HS6ST3: variants seen among roughly 807,000 people sequenced by gnomAD.
HS6ST3 encodes heparan-sulfate 6-O-sulfotransferase 3.
A neutral mutation model predicts 36.7 loss-of-function variants in HS6ST3; 12 were observed. That is an observed-to-expected ratio of 0.33 (90% CI 0.21 to 0.53). The LOEUF is 0.53. HS6ST3 is among the 20% of genes least tolerant of loss of function. The pLI is 0.95. For synonymous variants in HS6ST3, 240 were observed against 257.5 expected (o/e 0.93, Z 0.65); for missense variants, 584 against 640.9 (o/e 0.91, Z 0.96).
chr13:96,204,057 T>C (rs1048216221), intron 1 of HS6ST3, among the ~76,000 whole-genome samples: 1 of 152,214 alleles, frequency 6.6e-6, no homozygotes, highest in Non-Finnish European at 1.5e-5. Flanking sequence ...ATGTGACTAT[T>C]AAAAGATTAC....
intron 1 of HS6ST3, among the ~76,000 whole-genome samples, chr13:96,262,263 A>C (rs558428963): frequency 2.6e-5 from 4 of 152,164 alleles, no homozygotes; most frequent in Non-Finnish European, 4.4e-5. Context: ...TAGAAATAGA[A>C]GGCAAACGTT....
At position 96,817,854 on chromosome 13, in the gene HS6ST3, A is replaced by G. The variant is rs188842755; in HGVS notation, c.708-14636A>G. Among the ~76,000 whole-genome samples, 829 of 152,324 alleles carry G rather than the reference A, an allele frequency of 5.4e-3. 2 individuals carry two copies. Among genetic ancestry groups the G allele is most frequent in the Middle Eastern group, 0.017 (5 of 294 alleles). On this transcript the variant is annotated intron_variant, in intron 1 of 1. Coordinates refer to ENST00000376705, the MANE Select transcript of HS6ST3 (RefSeq NM_153456.4). ...GAAGTTCACTAAGAAGGGAAATTACAGTTGTGTTATTCTGTTGCTTAAGGG... is the reference window on the plus strand; with the variant it reads ...GAAGTTCACTAAGAAGGGAAATTACGGTTGTGTTATTCTGTTGCTTAAGGG...
rs140324026 is a variant in HS6ST3 at position 96,671,097 on chromosome 13, C to T, written c.708-161393C>T. 1.6e-4 allele frequency among the ~76,000 whole-genome samples: 24 copies of T among 152,240 alleles called. No individual in the cohort carries two copies. In the East Asian group the frequency reaches 4.5e-3, roughly 28 times the overall value. Reference sequence around the variant, plus strand: ...TTACAAATATGACTAGAAGGGACCCCCTCAGCCTAAACCTGACCTCAAGAG... The same window carrying T: ...TTACAAATATGACTAGAAGGGACCCTCTCAGCCTAAACCTGACCTCAAGAG... On this transcript the variant is annotated intron_variant, in intron 1 of 1. Transcript: ENST00000376705.
intron 1 of HS6ST3, among the ~76,000 whole-genome samples, chr13:96,736,741 A>T (rs909736327): frequency 6.6e-6 from 1 of 152,214 alleles, no homozygotes; most frequent in Non-Finnish European, 1.5e-5. Flanking sequence ...CTAAAATAGA[A>T]CCAAAAACAT....
chr13:96,663,167 A>T (rs1430636737), intron 1 of HS6ST3, among the ~76,000 whole-genome samples: 1 of 152,114 alleles, frequency 6.6e-6, no homozygotes, highest in Non-Finnish European at 1.5e-5. Context: ...GCCACTGCAG[A>T]GGTCAAGGAG....
At position 96,425,893 on chromosome 13, in the gene HS6ST3, T is replaced by A. The variant is rs144567293; in HGVS notation, c.707+334324T>A. Among the ~76,000 whole-genome samples, 56 of 152,036 alleles carry A rather than the reference T, an allele frequency of 3.7e-4. 1 individual carries two copies. In the East Asian group the frequency reaches 8.9e-3, roughly 24 times the overall value. On this transcript the variant is annotated intron_variant, in intron 1 of 1. Transcript: ENST00000376705. ...CAGCTTTTCCCTATAGGTAGGTGAATTTCTTTCATTTATTGCACAAGCCCT... is the reference window on the plus strand; with the variant it reads ...CAGCTTTTCCCTATAGGTAGGTGAAATTCTTTCATTTATTGCACAAGCCCT...
At chr13:96,620,477 G>A (rs778078930) in intron 1 of HS6ST3, among the ~76,000 whole-genome samples, 18 of 152,188 alleles carry the variant, frequency 1.2e-4, no homozygotes, top group Non-Finnish European at 2.2e-4. Context: ...AAACAGTGAA[G>A]CACCTACCCA....
intron 1 of HS6ST3, among the ~76,000 whole-genome samples, chr13:96,398,987 G>A (rs1041089525): frequency 1.3e-5 from 2 of 152,180 alleles, no homozygotes; most frequent in African/African-American, 4.8e-5. Flanking sequence ...CACCTTGGTT[G>A]ACAACTTTTG....
chr13:96,142,440 AT>A (rs1278975868), intron 1 of HS6ST3, among the ~76,000 whole-genome samples: 1 of 152,322 alleles, frequency 6.6e-6, no homozygotes, highest in Non-Finnish European at 1.5e-5. Context: ...TGAAGTTGAA[AT>A]AAGACTGAAA....
At chr13:96,367,095 G>T (rs2055266799) in intron 1 of HS6ST3, among the ~76,000 whole-genome samples, 1 of 152,072 alleles carries the variant, frequency 6.6e-6, no homozygotes, top group Non-Finnish European at 1.5e-5. Context: ...AGACTAATAT[G>T]GTCTCTAAGG....
intron 1 of HS6ST3, among the ~76,000 whole-genome samples, chr13:96,583,537 C>A (rs967464177): frequency 2.6e-5 from 4 of 152,024 alleles, no homozygotes; most frequent in Non-Finnish European, 5.9e-5. Flanking sequence ...GAATAAAATT[C>A]CAACATCTTA....
intron 1 of HS6ST3, among the ~76,000 whole-genome samples, chr13:96,800,338 TACA>T (rs777527384): frequency 1.3e-4 from 20 of 151,810 alleles, no homozygotes; most frequent in Non-Finnish European, 8.8e-5. Context: ...CAAGTATTTG[TACA>T]ACGATTAGAG....
At chr13:96,212,042 T>C (rs1382507323) in intron 1 of HS6ST3, among the ~76,000 whole-genome samples, 1 of 152,190 alleles carries the variant, frequency 6.6e-6, no homozygotes, top group Non-Finnish European at 1.5e-5. Flanking sequence ...CCCACTAACT[T>C]AAACACTTAC....
At chr13:96,348,031 T>C (rs780371423) in intron 1 of HS6ST3, among the ~76,000 whole-genome samples, 27 of 152,136 alleles carry the variant, frequency 1.8e-4, no homozygotes, top group Admixed American at 4.6e-4. Context: ...AAATATTTGG[T>C]GAAGAAATAT....
At chr13:96,222,471 C>T (rs1281756631) in intron 1 of HS6ST3, among the ~76,000 whole-genome samples, 2 of 152,176 alleles carry the variant, frequency 1.3e-5, no homozygotes, top group African/African-American at 4.8e-5. Context: ...GGTGCAAGGT[C>T]AATATCCAAG....
At chr13:96,777,961 G>A (rs185769971) in intron 1 of HS6ST3, among the ~76,000 whole-genome samples, 1 of 152,256 alleles carries the variant, frequency 6.6e-6, no homozygotes, top group Admixed American at 6.5e-5. Context: ...GCATGGTACT[G>A]ATACCAAAAC....
At chr13:96,646,641 C>T (rs1391209661) in intron 1 of HS6ST3, among the ~76,000 whole-genome samples, 1 of 151,978 alleles carries the variant, frequency 6.6e-6, no homozygotes, top group East Asian at 1.9e-4. Context: ...TGTAAAAGCA[C>T]TGGACTGTTA....
chr13:96,137,429 C>T (rs1170437360), intron 1 of HS6ST3, among the ~76,000 whole-genome samples: 1 of 122,380 alleles, frequency 8.2e-6, no homozygotes, highest in South Asian at 2.9e-4. Context: ...GAGGAACAAT[C>T]CTGAACATTT....
intron 1 of HS6ST3, among the ~76,000 whole-genome samples, chr13:96,244,848 A>G (rs1001766210): frequency 6.6e-6 from 1 of 152,212 alleles, no homozygotes; most frequent in Non-Finnish European, 1.5e-5. Context: ...AAGTGTTGCC[A>G]GTTTTCCTCA....
Sources: gnomAD v4.1 joint callset for allele counts (sites outside exome capture counted in the v4.1 genomes callset) on GRCh38, gnomAD v4.1.1 for gene constraint, MANE v1.5 for transcripts, NCBI Gene and HGNC (gene_info 2026-07-23, HGNC 2026-07-21) for gene names.